Variants in CPB2 observed in about 807,000 individuals in gnomAD.
The protein encoded by CPB2 is carboxypeptidase B-like protein.
Under a neutral mutation model 57.0 loss-of-function variants are expected in CPB2, and 54 were observed. The observed-to-expected ratio is 0.95, with a 90% CI of 0.76 to 1.19. The LOEUF (loss-of-function observed/expected upper bound fraction) is 1.19, where lower values mean the gene tolerates loss of function less well. Among genes scored for constraint, CPB2 ranks in the 50% most tolerant of loss-of-function variants. CPB2 has a pLI of 0.00. For synonymous variants in CPB2, 189 were observed against 178.1 expected (o/e 1.06, Z -0.49); for missense variants, 426 against 512.0 (o/e 0.83, Z 1.62).
chr13:46,082,253 A>T (rs1477667541), intron 4 of CPB2, among the ~76,000 whole-genome samples, 188 bp downstream of exon 4: 5 of 152,216 alleles, frequency 3.3e-5, no homozygotes, highest in Admixed American at 2.6e-4. Context: ...TTTACCAAAT[A>T]TGATGCAGTC....
intron 3 of CPB2, among the ~76,000 whole-genome samples, chr13:46,083,242 G>A (rs1013918865): frequency 9.9e-5 from 15 of 151,990 alleles, no homozygotes; most frequent in Non-Finnish European, 5.9e-5. Flanking sequence ...GTCTAAGTTC[G>A]ACTCCTAACT....
chr13:46,069,964 G>A (rs1429582231), intron 6 of CPB2, among the ~76,000 whole-genome samples: 1 of 152,098 alleles, frequency 6.6e-6, no homozygotes, highest in Non-Finnish European at 1.5e-5. Flanking sequence ...TTTGTTGAAG[G>A]TACGATTTAC....
intron 1 of CPB2, among the ~76,000 whole-genome samples, chr13:46,091,205 G>A (rs930958026): frequency 1.3e-5 from 2 of 152,054 alleles, no homozygotes; most frequent in African/African-American, 2.4e-5. Context: ...ATATTTGGGG[G>A]GATATTTCTC....
At chr13:46,054,358 T>G (rs1032395787) in intron 10 of CPB2, among the ~76,000 whole-genome samples, 16 of 152,180 alleles carry the variant, frequency 1.1e-4, no homozygotes, top group African/African-American at 3.9e-4. Context: ...ATGTAGACCT[T>G]TTTTTCTCCT....
chr13:46,057,773 A>G (rs1012079438), intron 9 of CPB2, among the ~76,000 whole-genome samples: 6 of 152,188 alleles, frequency 3.9e-5, no homozygotes, highest in African/African-American at 1.2e-4. Context: ...GCTAATACCA[A>G]AACAATGAGT....
At chr13:46,061,755 A>G (rs1354271712) in intron 8 of CPB2, among the ~76,000 whole-genome samples, 1 of 152,010 alleles carries the variant, frequency 6.6e-6, no homozygotes, top group Non-Finnish European at 1.5e-5. Context: ...CACCCCTACA[A>G]CCTACCCTCC....
intron 1 of CPB2, among the ~76,000 whole-genome samples, chr13:46,101,556 C>T (rs2045434176): frequency 6.6e-6 from 1 of 152,174 alleles, no homozygotes; most frequent in African/African-American, 2.4e-5. Context: ...CGCAAAATGT[C>T]ATGGGGCAAT....
chr13:46,061,893 T>C (rs2044777825), intron 8 of CPB2, among the ~76,000 whole-genome samples: 1 of 152,152 alleles, frequency 6.6e-6, no homozygotes, highest in African/African-American at 2.4e-5. Flanking sequence ...TAAAGAATCA[T>C]AGGGGCACAT....
At chr13:46,073,724 C>G in intron 6 of CPB2, 149 bp downstream of exon 6, 1 of 510,874 alleles carries the variant, frequency 2.0e-6, no homozygotes, top group East Asian at 3.2e-5. Context: ...GCATAAAAGT[C>G]ACCTGGGAAA....
At chr13:46,096,592 A>G (rs2045369122) in intron 1 of CPB2, 1 of 152,160 alleles carries the variant, frequency 6.6e-6, no homozygotes, top group East Asian at 1.9e-4. Context: ...AGCCTGGCCA[A>G]TATGGTGAAA....
At chr13:46,094,034 T>A (rs906904277) in intron 1 of CPB2, among the ~76,000 whole-genome samples, 1 of 152,170 alleles carries the variant, frequency 6.6e-6, no homozygotes, top group African/African-American at 2.4e-5. Context: ...AAAATTAAAT[T>A]TAAAGAAAAA....
intron 1 of CPB2, among the ~76,000 whole-genome samples, chr13:46,093,040 G>A (rs948611065): frequency 3.3e-5 from 5 of 152,124 alleles, no homozygotes; most frequent in African/African-American, 1.2e-4. Context: ...AGCCTCCTGA[G>A]TAGCTGGGAT....
chr13:46,078,789 C>T lies in CPB2; in HGVS notation c.486+11G>A. ...CACAGTGAAAGATCAACAACTTTCC[C>T]CACAACATACCTTTAAAACATAGAG... is the stretch of plus-strand genomic sequence containing the variant. On this transcript the variant is annotated intron_variant, in intron 5 of 10. Coordinates refer to ENST00000181383, the MANE Select transcript of CPB2 (RefSeq NM_001872.5). 6.4e-7 allele frequency: 1 copy of T among 1,557,946 alleles called. No homozygotes were observed. Among genetic ancestry groups the T allele is most frequent in the Non-Finnish European group, 8.9e-7 (1 of 1,129,938 alleles).
At chr13:46,089,122 G>A (rs2045253469) in intron 1 of CPB2, among the ~76,000 whole-genome samples, 1 of 151,036 alleles carries the variant, frequency 6.6e-6, no homozygotes, top group South Asian at 2.1e-4. Flanking sequence ...TTATTTGGTT[G>A]GGTGCAGTGT....
At chr13:46,090,362 C>CTTTTT in intron 1 of CPB2, among the ~76,000 whole-genome samples, 1 of 125,818 alleles carries the variant, frequency 7.9e-6, no homozygotes, top group Non-Finnish European at 1.6e-5. Flanking sequence ...TTTGTCTATT[C>CTTTTT]TTTTTTTTTT....
chr13:46,067,765 A>G (rs1174342815), intron 6 of CPB2, among the ~76,000 whole-genome samples: 2 of 152,222 alleles, frequency 1.3e-5, no homozygotes, highest in African/African-American at 4.8e-5. Flanking sequence ...TTTTTCTGTA[A>G]TTCATGTTCA....
intron 4 of CPB2, among the ~76,000 whole-genome samples, chr13:46,079,535 C>CAGAAAAAAAAAAA (rs2045075675): frequency 9.0e-6 from 1 of 111,010 alleles, no homozygotes; most frequent in East Asian, 2.7e-4. Flanking sequence ...AAGGAAAAAG[C>CAGAAAAAAAAAAA]AAAAAAAAAA....
intron 6 of CPB2, among the ~76,000 whole-genome samples, chr13:46,073,183 A>G (rs2044968726): frequency 1.3e-5 from 2 of 152,236 alleles, no homozygotes; most frequent in South Asian, 2.1e-4. Flanking sequence ...TGCAAAAATC[A>G]TTATCAGAAA....
At chr13:46,091,127 A>T (rs114672566) in intron 1 of CPB2, among the ~76,000 whole-genome samples, 1,900 of 152,324 alleles carry the variant, frequency 0.012, 37 homozygotes, top group African/African-American at 0.043. Flanking sequence ...AAGATATAGA[A>T]ATAAAAATGA....
Sources: allele counts gnomAD v4.1 joint callset (sites outside exome capture counted in the v4.1 genomes callset), GRCh38; gene constraint gnomAD v4.1.1; transcripts MANE v1.5; gene names NCBI Gene and HGNC (gene_info 2026-07-23, HGNC 2026-07-21).